The following SOX6 variants were observed in gnomAD, a reference collection of about 807,000 sequenced individuals.
SOX6 encodes SRY-box transcription factor 6, also known as transcription factor SOX-6.
A neutral mutation model predicts 97.8 loss-of-function variants in SOX6; 11 were observed. The observed-to-expected ratio is 0.11, with a 90% confidence interval of 0.07 to 0.19. The LOEUF is 0.19. Ranked by LOEUF, SOX6 falls within the 10% of genes least tolerant of loss-of-function variation. The probability of loss-of-function intolerance (pLI) is 1.00; values close to 1 mark genes in which losing one functional copy is unlikely to be tolerated. For missense variants in SOX6, 810 were observed against 1,039.5 expected (o/e 0.78, Z 3.04); for synonymous variants, 360 against 371.4 (o/e 0.97, Z 0.35).
At chr11:16,132,731 T>G (rs1359561197) in intron 6 of SOX6, among the ~76,000 whole-genome samples, 3 of 151,372 alleles carry the variant, frequency 2.0e-5, no homozygotes, top group Non-Finnish European at 4.4e-5. Flanking sequence ...CACTAACTTG[T>G]CACAATGACA....
intron 6 of SOX6, among the ~76,000 whole-genome samples, chr11:16,173,279 A>C (rs1851089201): frequency 6.6e-6 from 1 of 151,442 alleles, no homozygotes; most frequent in African/African-American, 2.4e-5. Context: ...CCTCTCATGG[A>C]CTCCATCTTA....
intron 3 of SOX6, among the ~76,000 whole-genome samples, chr11:16,292,964 A>G (rs1854959947): frequency 6.6e-6 from 1 of 152,202 alleles, no homozygotes; most frequent in South Asian, 2.1e-4. Flanking sequence ...TTTTTAAATC[A>G]TTTAAACCGC....
intron 6 of SOX6, among the ~76,000 whole-genome samples, chr11:16,130,006 G>A (rs1849700988): frequency 6.6e-6 from 1 of 151,894 alleles, no homozygotes; most frequent in Non-Finnish European, 1.5e-5. Flanking sequence ...GTGGAAAGAA[G>A]TGACATTTAT....
intron 2 of SOX6, among the ~76,000 whole-genome samples, chr11:16,723,311 A>C (rs1848280762): frequency 1.3e-5 from 2 of 152,060 alleles, no homozygotes; most frequent in Non-Finnish European, 2.9e-5. Flanking sequence ...AACAACAGAC[A>C]CTGGGGGCTT....
chr11:16,310,395 T>C (rs1855565037), intron 3 of SOX6, among the ~76,000 whole-genome samples: 1 of 152,128 alleles, frequency 6.6e-6, no homozygotes, highest in Non-Finnish European at 1.5e-5. Context: ...CCAATAGTTC[T>C]AGCTCCTCAA....
In SOX6 at chr11:15,972,975, G is replaced by A. The variant is rs771672979; in HGVS notation, c.2321C>T (p.Pro774Leu). The A allele has an allele frequency of 6.8e-6, 11 of 1,614,156 alleles. No individual in the cohort carries two copies. Among genetic ancestry groups the A allele is most frequent in the South Asian group, 1.1e-5 (1 of 91,080 alleles). ...STSASPEPSL[P>L]VIQSTYGMKT... is the part of the protein sequence containing the mutation. ...CATACCATAAGTGCTCTGGATGACC[G>A]GGAGGCTGGGCTCCGGGCTGGCCGA... is the stretch of plus-strand genomic sequence containing the variant. Residue 774 changes from proline to leucine, a missense_variant, in exon 16 of 16, where the codon CCG (proline) becomes CTG (leucine). By Grantham distance (98) the Pro-to-Leu change is moderately conservative (BLOSUM62 -3). Transcript: ENST00000683767.
chr11:16,012,886 TA>T (rs933840830), intron 13 of SOX6, among the ~76,000 whole-genome samples: 18 of 152,120 alleles, frequency 1.2e-4, no homozygotes, highest in African/African-American at 4.1e-4. Flanking sequence ...AAACACTTGA[TA>T]AAAAAAGTTT....
intron 3 of SOX6, among the ~76,000 whole-genome samples, chr11:16,637,873 G>A (rs988148736): frequency 6.7e-6 from 1 of 149,738 alleles, no homozygotes; most frequent in African/African-American, 2.5e-5. Context: ...AAGGAAAAAT[G>A]TTTTTTCCAT....
At chr11:16,451,106 C>G (rs986767098) in intron 1 of SOX6, among the ~76,000 whole-genome samples, 2 of 151,964 alleles carry the variant, frequency 1.3e-5, no homozygotes, top group African/African-American at 4.8e-5. Flanking sequence ...GTGGCACATG[C>G]CTGTAGTCCC....
chr11:16,639,072 A>C (rs1451575792), intron 3 of SOX6, among the ~76,000 whole-genome samples: 1 of 152,172 alleles, frequency 6.6e-6, no homozygotes, highest in Non-Finnish European at 1.5e-5. Context: ...TTAAGTCTTT[A>C]ATCCATCTTA....
chr11:16,595,558 G>A, intron 4 of SOX6, among the ~76,000 whole-genome samples: 1 of 149,592 alleles, frequency 6.7e-6, no homozygotes, highest in Non-Finnish European at 1.5e-5. Flanking sequence ...CTTCTTTGAG[G>A]CCAGAAGTTC....
At chr11:16,312,667 G>A (rs1370803600) in intron 3 of SOX6, 1 of 152,120 alleles carries the variant, frequency 6.6e-6, no homozygotes, top group Admixed American at 6.6e-5. Context: ...CTGCTCAAGT[G>A]AAATTCTCAT....
intron 3 of SOX6, among the ~76,000 whole-genome samples, chr11:16,277,960 T>C (rs958521349): frequency 6.6e-6 from 1 of 152,208 alleles, no homozygotes; most frequent in Non-Finnish European, 1.5e-5. Context: ...GAATACTAAA[T>C]GAGATCATGT....
At chr11:16,449,372 A>T (rs1209720546) in intron 1 of SOX6, among the ~76,000 whole-genome samples, 1 of 134,714 alleles carries the variant, frequency 7.4e-6, no homozygotes, top group African/African-American at 2.8e-5. Context: ...GGCTCACTGC[A>T]AGCTCCGCCT....
chr11:16,454,674 A>G (rs1859782157), intron 1 of SOX6, among the ~76,000 whole-genome samples: 1 of 152,098 alleles, frequency 6.6e-6, no homozygotes, highest in Non-Finnish European at 1.5e-5. Flanking sequence ...GCTAACAGAA[A>G]TGTAGTGCAT....
rs569680488 is a variant in SOX6, at chr11:16,338,873, A to G, written c.237+2139T>C. Among the ~76,000 whole-genome samples the G allele has an allele frequency of 3.3e-5, 5 of 152,166 alleles. No individual in the cohort carries two copies. The East Asian group carries it at 9.7e-4, about 29-fold the overall frequency. ...CAAAATTTTAGATCATAAAAGTTTG[A>G]TAATAACCCACCAAAGTAACTTGGC... On this transcript the variant is annotated intron_variant, in intron 2 of 15. Coordinates refer to ENST00000683767, the MANE Select transcript of SOX6 (RefSeq NM_001367873.1).
intron 1 of SOX6, among the ~76,000 whole-genome samples, chr11:16,394,685 T>G (rs1288011617): frequency 2.0e-5 from 3 of 151,928 alleles, no homozygotes; most frequent in Admixed American, 2.0e-4. Flanking sequence ...TTATCTACCT[T>G]AAAACCCTTC....
chr11:16,302,152 C>T (rs1173999737), intron 3 of SOX6, among the ~76,000 whole-genome samples: 1 of 152,122 alleles, frequency 6.6e-6, no homozygotes, highest in Non-Finnish European at 1.5e-5. Flanking sequence ...ACCAGATTCC[C>T]CTGTATTTGC....
At chr11:16,113,435 T>C (rs1213462541) in intron 6 of SOX6, among the ~76,000 whole-genome samples, 1 of 152,210 alleles carries the variant, frequency 6.6e-6, no homozygotes, top group Non-Finnish European at 1.5e-5. Flanking sequence ...AAACTAAGCC[T>C]GCTTAAATTG....
Sources: gnomAD v4.1 joint callset for allele counts (sites outside exome capture counted in the v4.1 genomes callset) on GRCh38, gnomAD v4.1.1 for gene constraint, MANE v1.5 for transcripts, NCBI Gene and HGNC (gene_info 2026-07-23, HGNC 2026-07-21) for gene names.